LRRC7: variants seen among roughly 807,000 people sequenced by gnomAD.
The protein encoded by LRRC7 is leucine-rich repeat-containing protein 7.
A neutral mutation model predicts 175.7 loss-of-function variants in LRRC7; 23 were observed. The observed-to-expected ratio is 0.13, with a 90% CI of 0.09 to 0.19. LRRC7 has a LOEUF of 0.19. LRRC7 is among the 10% of genes least tolerant of loss of function. LRRC7 has a pLI of 1.00. For synonymous variants in LRRC7, 685 were observed against 680.9 expected, an observed-to-expected ratio of 1.01 and a Z score of -0.09; for missense variants, 1,354 against 1,904.7, an observed-to-expected ratio of 0.71 and a Z score of 5.38.
chr1:69,907,238 C>T (rs372584513), intron 7 of LRRC7, among the ~76,000 whole-genome samples: 1,944 of 152,106 alleles, frequency 0.013, 33 homozygotes, highest in African/African-American at 0.043. Context: ...TTTTCCTAAT[C>T]GAATACCCTT....
intron 23 of LRRC7, among the ~76,000 whole-genome samples, chr1:70,069,912 A>T (rs907004427): frequency 6.6e-6 from 1 of 151,596 alleles, no homozygotes. Context: ...TGAGTTTTTG[A>T]TTTGTTATTG....
chr1:69,844,881 A>G (rs949486676), intron 7 of LRRC7, among the ~76,000 whole-genome samples: 1 of 152,174 alleles, frequency 6.6e-6, no homozygotes, highest in African/African-American at 2.4e-5. Flanking sequence ...AAATAAAGAT[A>G]AAAACACTTT....
chr1:69,722,940 C>T (rs955457496), intron 2 of LRRC7, among the ~76,000 whole-genome samples: 2 of 151,946 alleles, frequency 1.3e-5, no homozygotes, highest in Non-Finnish European at 2.9e-5. Context: ...AAATGCATTG[C>T]AAATATTTTC....
Position 69,792,025 on chromosome 1 carries a change from G to T in LRRC7, c.304-18G>T, listed in dbSNP as rs1294199928. On this transcript the variant is annotated intron_variant, in intron 3 of 26. Transcript: ENST00000651989. ...TTAACCAAATTGAGATCTAATTAAT[G>T]ATTATTTTCTATTACAGCAATTGTT... 4.2e-6 allele frequency: 6 copies of T among 1,436,784 alleles called. No homozygotes were observed. The highest frequency in any genetic ancestry group is 5.8e-6 in the Non-Finnish European group (6 of 1,030,242). 89.0% of individuals were successfully genotyped at this position (1,436,784 alleles called of 1,614,324 possible). A position where few individuals can be genotyped will look rare whatever the true frequency, so the allele number is the denominator to read the frequency against.
At chr1:70,082,240 A>AT (rs1234327722) in intron 24 of LRRC7, among the ~76,000 whole-genome samples, 1 of 152,186 alleles carries the variant, frequency 6.6e-6, no homozygotes, top group Non-Finnish European at 1.5e-5. Flanking sequence ...TAAATTATAA[A>AT]TTTTTTAATT....
intron 3 of LRRC7, among the ~76,000 whole-genome samples, chr1:69,760,655 C>A (rs1670937475): frequency 1.3e-5 from 2 of 151,718 alleles, no homozygotes; most frequent in Admixed American, 1.3e-4. Flanking sequence ...TTTAAAATGA[C>A]CTCTATAAAA....
chr1:70,009,048 T>G (rs1656241492), intron 11 of LRRC7, among the ~76,000 whole-genome samples: 1 of 152,212 alleles, frequency 6.6e-6, no homozygotes, highest in South Asian at 2.1e-4. Context: ...CACATTGGAA[T>G]TGTGCAAGGT....
Position 70,038,244 on chromosome 1 carries a change from C to G in LRRC7, c.2420C>G (p.Thr807Ser). 6.2e-7 allele frequency: 1 copy of G among 1,614,152 alleles called. No individual in the cohort carries two copies. The highest frequency in any genetic ancestry group is 8.5e-7 in the Non-Finnish European group (1 of 1,180,014). Residue 807 changes from threonine (T) to serine (S), a missense_variant, in exon 21 of 27, where the codon ACT becomes AGT. By Grantham distance (58) the Thr-to-Ser change is moderately conservative. Around this residue, in one of 4 missense-constraint regions of LRRC7, gnomAD observed 1,032 missense variants for 1,227.2 expected, o/e 0.84. Transcript: ENST00000651989. Reference sequence around the variant, plus strand: ...AGTGATACTTTCACTGACAACTGGACTGATGGCTCGCATTATGACAACACA... The same window carrying G: ...AGTGATACTTTCACTGACAACTGGAGTGATGGCTCGCATTATGACAACACA... The part of the protein sequence containing the change: ...PMSDTFTDNW[T>S]DGSHYDNTGF...
chr1:70,054,210 C>T (rs1177902833), intron 23 of LRRC7, among the ~76,000 whole-genome samples: 2 of 152,018 alleles, frequency 1.3e-5, no homozygotes, highest in Non-Finnish European at 2.9e-5. Context: ...TGTTTACCAC[C>T]AGGAGAGTAT....
intron 2 of LRRC7, among the ~76,000 whole-genome samples, chr1:69,754,260 A>C: frequency 6.6e-6 from 1 of 152,098 alleles, no homozygotes; most frequent in East Asian, 1.9e-4. Context: ...TACACTGTGG[A>C]GTGAGAACAA....
chr1:70,065,244 C>G (rs1049240351), intron 23 of LRRC7, among the ~76,000 whole-genome samples: 1 of 151,862 alleles, frequency 6.6e-6, no homozygotes, highest in African/African-American at 2.4e-5. Context: ...TTACTAAGAT[C>G]TTGTCTTTTG....
chr1:69,735,830 A>C (rs990889246), intron 2 of LRRC7, among the ~76,000 whole-genome samples: 6 of 140,904 alleles, frequency 4.3e-5, no homozygotes, highest in Non-Finnish European at 3.1e-5. Flanking sequence ...TATCTGTTTC[A>C]CTCCCTTCCT....
chr1:69,729,043 G>A (rs943774821), intron 2 of LRRC7, among the ~76,000 whole-genome samples: 1 of 152,140 alleles, frequency 6.6e-6, no homozygotes, highest in African/African-American at 2.4e-5. Context: ...GGCAGGGAAA[G>A]CCCCTTATAA....
intron 25 of LRRC7, among the ~76,000 whole-genome samples, chr1:70,096,135 G>A (rs7548534): frequency 0.019 from 2,863 of 152,092 alleles, 91 homozygotes; most frequent in African/African-American, 0.067. Flanking sequence ...CCGCCACCAC[G>A]CCCAGCTAAT....
At chr1:69,747,288 G>C (rs1669359442) in intron 2 of LRRC7, among the ~76,000 whole-genome samples, 1 of 152,124 alleles carries the variant, frequency 6.6e-6, no homozygotes, top group Admixed American at 6.6e-5. Context: ...AAGTAACTCA[G>C]GAAAGATGAA....
chr1:69,644,411 GTCTC>G (rs1247733685), intron 1 of LRRC7, among the ~76,000 whole-genome samples: 1 of 151,868 alleles, frequency 6.6e-6, no homozygotes, highest in Non-Finnish European at 1.5e-5. Flanking sequence ...AAAAATCTCT[GTCTC>G]TCTTTTTAAA....
chr1:69,830,899 G>T (rs1680456471), intron 5 of LRRC7, among the ~76,000 whole-genome samples: 1 of 151,706 alleles, frequency 6.6e-6, no homozygotes, highest in African/African-American at 2.4e-5. Flanking sequence ...ATTTTTGCTG[G>T]TCCAGTTTTG....
At chr1:70,057,415 C>T (rs1661236209) in intron 23 of LRRC7, among the ~76,000 whole-genome samples, 1 of 152,126 alleles carries the variant, frequency 6.6e-6, no homozygotes, top group South Asian at 2.1e-4. Flanking sequence ...TCTACAATGA[C>T]ATTTTTAAAA....
At chr1:69,781,838 GAA>G (rs1557720515) in intron 3 of LRRC7, among the ~76,000 whole-genome samples, 5 of 85,960 alleles carry the variant, frequency 5.8e-5, no homozygotes, top group African/African-American at 2.0e-4. Context: ...AGGAAGGAAG[GAA>G]GGAAGGGAGA....
Sources: allele counts gnomAD v4.1 joint callset (sites outside exome capture counted in the v4.1 genomes callset), GRCh38; gene constraint gnomAD v4.1.1; regional missense constraint gnomAD v4.1.1; transcripts MANE v1.5; gene names NCBI Gene and HGNC (gene_info 2026-07-23, HGNC 2026-07-21).